TENM2: variants seen among roughly 807,000 people sequenced by gnomAD.
The protein encoded by TENM2 is teneurin transmembrane protein 2.
TENM2 carries 52 observed loss-of-function variants against 245.2 expected under a neutral mutation model. That is an observed-to-expected ratio of 0.21 (90% confidence interval 0.17 to 0.27). TENM2 has a LOEUF of 0.27. Among genes scored for constraint, TENM2 ranks in the 10% least tolerant of loss-of-function variants. The pLI is 1.00. For synonymous variants in TENM2, 1,363 were observed against 1,438.9 expected, an observed-to-expected ratio of 0.95 and a Z score of 1.19; for missense variants, 3,046 against 3,666.8, an observed-to-expected ratio of 0.83 and a Z score of 4.37.
intron 2 of TENM2, among the ~76,000 whole-genome samples, chr5:167,388,160 C>T (rs1332600894): frequency 6.6e-6 from 1 of 151,840 alleles, no homozygotes; most frequent in Non-Finnish European, 1.5e-5. Flanking sequence ...TTTTCTTTTT[C>T]GGTAACTTTT....
intron 2 of TENM2, among the ~76,000 whole-genome samples, chr5:167,793,128 T>C (rs1204790083): frequency 6.6e-6 from 1 of 152,192 alleles, no homozygotes; most frequent in African/African-American, 2.4e-5. Context: ...CATAGTTAAA[T>C]TAAATTCTGA....
At chr5:167,712,990 A>C (rs537609570) in intron 2 of TENM2, among the ~76,000 whole-genome samples, 1 of 152,112 alleles carries the variant, frequency 6.6e-6, no homozygotes, top group South Asian at 2.1e-4. Context: ...AGACAAAAGT[A>C]TTTTCCTGCC....
At chr5:167,742,977 A>AAACAAC (rs139078440) in intron 2 of TENM2, among the ~76,000 whole-genome samples, 17 of 147,842 alleles carry the variant, frequency 1.1e-4, no homozygotes, top group East Asian at 4.1e-4. Flanking sequence ...CTTGTCTTAA[A>AAACAAC]AACAACAACA....
intron 2 of TENM2, among the ~76,000 whole-genome samples, chr5:167,750,464 T>C (rs1476429744): frequency 1.2e-4 from 19 of 152,118 alleles, no homozygotes; most frequent in Admixed American, 1.2e-3. Context: ...TTTCTGGAGT[T>C]GTGAGCCATG....
At chr5:167,347,313 G>T (rs1294752720) in intron 1 of TENM2, among the ~76,000 whole-genome samples, 1 of 152,088 alleles carries the variant, frequency 6.6e-6, no homozygotes, top group Admixed American at 6.5e-5. Flanking sequence ...TGTTTGCTAT[G>T]CAATTTGCTC....
Position 167,616,202 on chromosome 5 carries a change from C to A in TENM2, c.502+240729C>A, listed in dbSNP as rs543763818. 1.3e-3 allele frequency among the ~76,000 whole-genome samples: 194 copies of A among 152,224 alleles called. 1 individual carries two copies. Among genetic ancestry groups the A allele is most frequent in the African/African-American group, 4.5e-3 (187 of 41,530 alleles). ...TGCTTCACCAGATATGATGCACTTT[C>A]CAGAACTAGAAGTCCTATAGCCTGT... On this transcript the variant is annotated intron_variant, in intron 2 of 28. Transcript: ENST00000518659.
intron 2 of TENM2, among the ~76,000 whole-genome samples, chr5:167,759,395 T>G (rs969954100): frequency 6.6e-6 from 1 of 152,108 alleles, no homozygotes; most frequent in Non-Finnish European, 1.5e-5. Context: ...TTGTTAGGAC[T>G]CACATTCTGT....
At chr5:167,312,013 T>C (rs573571748) in intron 1 of TENM2, among the ~76,000 whole-genome samples, 1 of 152,298 alleles carries the variant, frequency 6.6e-6, no homozygotes, top group South Asian at 2.1e-4. Context: ...CTCAATTTCT[T>C]TGCAATAGCA....
At position 168,247,164 on chromosome 5, in the gene TENM2, G is replaced by T. The variant is rs780705272; in HGVS notation, c.6225G>T (p.Gln2075His). ...AGATTGGCCCCCTGGTGGACAAGCA[G>T]ATCTACAGGTTCTCCGAGGAAGGCA... The change falls in exon 27 of 29, where the codon CAG (glutamine) becomes CAT (histidine). Residue 2075 changes from glutamine (Q) to histidine (H), a missense_variant. This residue lies in a region of TENM2 where 2,704 missense variants were observed against 3,331.9 expected (regional missense o/e 0.81). Transcript: ENST00000518659. This position sits in a 1 kb window ranked among gnomAD's most constrained non-coding sequence, Gnocchi z 7.8. The T allele has an allele frequency of 1.2e-6, 2 of 1,613,822 alleles. No individual in the cohort carries two copies. The highest frequency in any genetic ancestry group is 1.7e-6 in the Non-Finnish European group (2 of 1,179,916).
chr5:167,240,584 C>T, the TENM2 span, among the ~76,000 whole-genome samples: 6 of 152,270 alleles, frequency 3.9e-5, no homozygotes, highest in African/African-American at 9.6e-5. Flanking sequence ...CTTCAGGGTG[C>T]GTTGACCCAG....
the TENM2 span, among the ~76,000 whole-genome samples, chr5:167,075,259 A>G: frequency 6.6e-6 from 1 of 152,050 alleles, no homozygotes; most frequent in Non-Finnish European, 1.5e-5. Flanking sequence ...TGCCATGGAG[A>G]ATGAAGCCTT....
At position 167,855,274 on chromosome 5, in the gene TENM2, A is replaced by G. The variant is rs112491681; in HGVS notation, c.503-20712A>G. 5.0e-3 allele frequency among the ~76,000 whole-genome samples: 760 copies of G among 152,112 alleles called. 7 individuals are homozygous for G. Among genetic ancestry groups the G allele is most frequent in the African/African-American group, 0.017 (725 of 41,500 alleles). On this transcript the variant is annotated intron_variant, in intron 2 of 28. Coordinates refer to ENST00000518659, the Ensembl canonical transcript of TENM2. ...TTCCACCAGGTCCCGTTCAAATGTT[A>G]TCTTAACTGGGAGGTCTTCCCTGAT...
chr5:167,132,726 C>T, the TENM2 span, among the ~76,000 whole-genome samples: 13 of 152,194 alleles, frequency 8.5e-5, no homozygotes, highest in African/African-American at 2.4e-4. Context: ...TCAGTAAGTT[C>T]GGTGAAATAT....
intron 2 of TENM2, among the ~76,000 whole-genome samples, chr5:167,442,615 A>G (rs1340258678): frequency 6.6e-6 from 1 of 152,028 alleles, no homozygotes; most frequent in Non-Finnish European, 1.5e-5. Flanking sequence ...AGTATTTCTT[A>G]TTTCCATTTT....
chr5:166,979,311 G>A, the TENM2 span, among the ~76,000 whole-genome samples: 6 of 152,028 alleles, frequency 3.9e-5, no homozygotes, highest in Admixed American at 6.6e-5. Flanking sequence ...GGGGAGTCCG[G>A]GGGGCGGGTA....
chr5:167,057,489 G>A, the TENM2 span, among the ~76,000 whole-genome samples: 5 of 152,196 alleles, frequency 3.3e-5, no homozygotes, highest in African/African-American at 9.6e-5. Flanking sequence ...TGCAGGAGAG[G>A]GGTGTTTTAT....
chr5:167,151,528 T>C, the TENM2 span, among the ~76,000 whole-genome samples: 1 of 152,152 alleles, frequency 6.6e-6, no homozygotes, highest in African/African-American at 2.4e-5. Context: ...CTTTTTTTTG[T>C]TTTCTTTTTT....
At chr5:167,467,859 T>A (rs1582131137) in intron 2 of TENM2, among the ~76,000 whole-genome samples, 1 of 152,318 alleles carries the variant, frequency 6.6e-6, no homozygotes, top group South Asian at 2.1e-4. Context: ...CATATATTTG[T>A]GGATATTTCT....
At chr5:167,677,041 G>C (rs548683835) in intron 2 of TENM2, among the ~76,000 whole-genome samples, 1 of 152,170 alleles carries the variant, frequency 6.6e-6, no homozygotes, top group South Asian at 2.1e-4. Flanking sequence ...TTCCCTCTGC[G>C]CTCCATGCAG....
Sources: gnomAD v4.1 joint callset for allele counts (sites outside exome capture counted in the v4.1 genomes callset) on GRCh38, gnomAD v4.1.1 for gene constraint, gnomAD v4.1.1 regional missense constraint, Gnocchi (gnomAD v3.1) non-coding constraint, MANE v1.5 for transcripts, NCBI Gene and HGNC (gene_info 2026-07-23, HGNC 2026-07-21) for gene names.